IRF2: variants seen among roughly 807,000 people sequenced by gnomAD.
The protein encoded by IRF2 is interferon regulatory factor 2.
A neutral mutation model predicts 40.6 loss-of-function variants in IRF2; 15 were observed. That is an observed-to-expected ratio of 0.37 (90% CI 0.25 to 0.57). The LOEUF is 0.57. IRF2 is among the 20% of genes least tolerant of loss of function. The probability of loss-of-function intolerance (pLI) is 0.77; values close to 1 mark genes in which losing one functional copy is unlikely to be tolerated. For missense variants in IRF2, 317 were observed against 455.7 expected (o/e 0.70, Z 2.77); for synonymous variants, 151 against 165.5 (o/e 0.91, Z 0.67).
intron 2 of IRF2, among the ~76,000 whole-genome samples, chr4:184,420,549 T>C (rs1038590638): frequency 6.6e-6 from 1 of 152,132 alleles, no homozygotes; most frequent in Non-Finnish European, 1.5e-5. Flanking sequence ...TCTCTACATC[T>C]CTCTCAGTGT....
At chr4:184,412,933 A>G (rs1009264642) in intron 5 of IRF2, among the ~76,000 whole-genome samples, 2 of 152,170 alleles carry the variant, frequency 1.3e-5, no homozygotes, top group African/African-American at 4.8e-5. Context: ...CAAGTGCTGT[A>G]CCCTCCAACT....
intron 2 of IRF2, among the ~76,000 whole-genome samples, chr4:184,424,905 C>T (rs989191617): frequency 6.6e-6 from 1 of 152,180 alleles, no homozygotes; most frequent in Non-Finnish European, 1.5e-5. Flanking sequence ...CTTAACAGAA[C>T]AAAAACACCA....
chr4:184,452,795 AG>A (rs1554017076), intron 1 of IRF2, among the ~76,000 whole-genome samples: 3 of 135,872 alleles, frequency 2.2e-5, no homozygotes, highest in Admixed American at 7.4e-5. Context: ...AAAAAAAAAA[AG>A]GGAAAGAAAG....
chr4:184,454,534 A>G (rs1382764109), intron 1 of IRF2, among the ~76,000 whole-genome samples: 1 of 152,178 alleles, frequency 6.6e-6, no homozygotes, highest in Admixed American at 6.5e-5. Context: ...GTCTTCAAAT[A>G]TTTTTGGAAG....
chr4:184,458,401 C>T (rs982973515), intron 1 of IRF2, among the ~76,000 whole-genome samples: 6 of 152,140 alleles, frequency 3.9e-5, no homozygotes, highest in African/African-American at 1.4e-4. Context: ...TACATCTTCG[C>T]AGCATAGGGC....
intron 6 of IRF2, among the ~76,000 whole-genome samples, chr4:184,403,319 C>T (rs1453681808): frequency 2.0e-5 from 3 of 152,116 alleles, no homozygotes; most frequent in Non-Finnish European, 2.9e-5. Flanking sequence ...GACCACCAAG[C>T]GGCAAAACAG....
chr4:184,408,754 C>T lies in IRF2; in HGVS notation c.412-479G>A, dbSNP rs1736957963. Among the ~76,000 whole-genome samples the T allele has an allele frequency of 6.6e-6, 1 of 152,208 alleles. No homozygotes were observed. Among genetic ancestry groups the T allele is most frequent in the South Asian group, 2.1e-4 (1 of 4,830 alleles). On this transcript the variant is annotated intron_variant, in intron 5 of 8. Transcript: ENST00000393593. The surrounding 1 kb of genome is among the most constrained non-coding windows in gnomAD (Gnocchi z 4.9). ...GGCCCAAGAACAGGAGCCCAGAGGACATTGTAGATGAATTCTCTGCAGATA... is the reference window on the plus strand; with the variant it reads ...GGCCCAAGAACAGGAGCCCAGAGGATATTGTAGATGAATTCTCTGCAGATA...
At chr4:184,435,568 G>A (rs1336248014) in intron 1 of IRF2, among the ~76,000 whole-genome samples, 1 of 152,088 alleles carries the variant, frequency 6.6e-6, no homozygotes, top group Non-Finnish European at 1.5e-5. Flanking sequence ...TTAAAAATTA[G>A]GGGGGCAAGA....
intron 1 of IRF2, among the ~76,000 whole-genome samples, chr4:184,460,760 C>A (rs895697480): frequency 6.6e-6 from 1 of 151,948 alleles, no homozygotes; most frequent in Non-Finnish European, 1.5e-5. Context: ...GAAGTAAGGA[C>A]CAGTTTCCCC....
chr4:184,395,822 T>C (rs909516780), intron 7 of IRF2, among the ~76,000 whole-genome samples: 14 of 152,248 alleles, frequency 9.2e-5, no homozygotes, highest in African/African-American at 3.4e-4. Flanking sequence ...ACTGAAATCC[T>C]TCCTTTCAAA....
At chr4:184,467,456 T>C in intron 1 of IRF2, among the ~76,000 whole-genome samples, 1 of 152,260 alleles carries the variant, frequency 6.6e-6, no homozygotes, top group Admixed American at 6.5e-5. Flanking sequence ...GACACTCTTA[T>C]CACCACTGTA....
intron 6 of IRF2, among the ~76,000 whole-genome samples, chr4:184,404,116 G>T (rs1736765403): frequency 6.6e-6 from 1 of 152,154 alleles, no homozygotes; most frequent in Non-Finnish European, 1.5e-5. Flanking sequence ...AGAAACAGAG[G>T]GGTCCTTGGA....
At chr4:184,411,287 G>A (rs1737065292) in intron 5 of IRF2, among the ~76,000 whole-genome samples, 1 of 152,124 alleles carries the variant, frequency 6.6e-6, no homozygotes. Context: ...TCGAACCCCT[G>A]ACCTCAGGTG....
intron 7 of IRF2, among the ~76,000 whole-genome samples, chr4:184,397,698 C>G (rs1368747519): frequency 2.6e-5 from 4 of 152,174 alleles, no homozygotes; most frequent in African/African-American, 9.7e-5. Flanking sequence ...GTAAAGAGCA[C>G]AGGGAAGAAT....
chr4:184,390,366 G>C (rs1402576044), intron 8 of IRF2, among the ~76,000 whole-genome samples: 3 of 152,184 alleles, frequency 2.0e-5, no homozygotes, highest in African/African-American at 4.8e-5. Flanking sequence ...GGCTGGGAAG[G>C]CTGCTCTATT....
At chr4:184,469,758 GA>G (rs1659056760) in intron 1 of IRF2, among the ~76,000 whole-genome samples, 1 of 152,208 alleles carries the variant, frequency 6.6e-6, no homozygotes, top group Admixed American at 6.5e-5. Context: ...TGGAGCTTCT[GA>G]GGGGGAAAAT....
At chr4:184,390,206 T>C (rs1055115680) in intron 8 of IRF2, among the ~76,000 whole-genome samples, 2 of 152,004 alleles carry the variant, frequency 1.3e-5, no homozygotes, top group African/African-American at 2.4e-5. Context: ...GCACGCCCCA[T>C]CTATGGGAGG....
intron 6 of IRF2, among the ~76,000 whole-genome samples, chr4:184,403,650 A>C (rs1736748171): frequency 6.6e-6 from 1 of 152,178 alleles, no homozygotes; most frequent in Non-Finnish European, 1.5e-5. Context: ...CCAACTCCAA[A>C]TTTCAACTCT....
intron 5 of IRF2, 81 bp downstream of exon 5, chr4:184,418,086 G>T: frequency 9.7e-7 from 1 of 1,034,084 alleles, no homozygotes; most frequent in Non-Finnish European, 1.5e-6. Flanking sequence ...CTGAGGTCCT[G>T]TGACTCATCT....
Sources: gnomAD v4.1 joint callset for allele counts (sites outside exome capture counted in the v4.1 genomes callset) on GRCh38, gnomAD v4.1.1 for gene constraint, Gnocchi (gnomAD v3.1) non-coding constraint, MANE v1.5 for transcripts, NCBI Gene and HGNC (gene_info 2026-07-23, HGNC 2026-07-21) for gene names.